Variants in ERBB4 observed in about 807,000 individuals in gnomAD.
ERBB4 encodes erb-b2 receptor tyrosine kinase 4.
ERBB4 carries 42 observed loss-of-function variants against 158.0 expected under a neutral mutation model. The observed-to-expected ratio is 0.27, with a 90% CI of 0.21 to 0.34. The LOEUF is 0.34. ERBB4 is among the 10% of genes least tolerant of loss of function. ERBB4 has a pLI of 1.00. For synonymous variants in ERBB4, 583 were observed against 558.7 expected (o/e 1.04, Z -0.61); for missense variants, 1,333 against 1,624.1 (o/e 0.82, Z 3.08).
intron 1 of ERBB4, among the ~76,000 whole-genome samples, chr2:212,306,747 T>C (rs1291082251): frequency 6.6e-6 from 1 of 151,298 alleles, no homozygotes; most frequent in African/African-American, 2.4e-5. Context: ...AATTTACTTC[T>C]TAAAGTTTGG....
intron 1 of ERBB4, among the ~76,000 whole-genome samples, chr2:212,488,355 A>G (rs1328124644): frequency 6.6e-6 from 1 of 151,136 alleles, no homozygotes; most frequent in Non-Finnish European, 1.5e-5. Flanking sequence ...TCTCTCTCAC[A>G]ATATGCTAAA....
intron 13 of ERBB4, among the ~76,000 whole-genome samples, chr2:211,678,583 A>G (rs943576849): frequency 6.6e-6 from 1 of 152,164 alleles, no homozygotes; most frequent in Non-Finnish European, 1.5e-5. Context: ...TTTTCCTTAA[A>G]AGAATTCGTC....
chr2:212,293,873 A>AAAT (rs1553612446), intron 1 of ERBB4, among the ~76,000 whole-genome samples: 28 of 146,158 alleles, frequency 1.9e-4, no homozygotes, highest in African/African-American at 6.9e-4. Flanking sequence ...AAAAAAAAAA[A>AAAT]CATACATTTG....
intron 1 of ERBB4, among the ~76,000 whole-genome samples, chr2:212,511,609 ATTTTTTTTCAAACG>A (rs1560519471): frequency 6.6e-6 from 1 of 151,754 alleles, no homozygotes; most frequent in Non-Finnish European, 1.5e-5. Flanking sequence ...ATAGATACTT[ATTTTTTTTCAAACG>A]TATTTATTTC....
chr2:211,738,367 T>G (rs760869952), intron 5 of ERBB4, among the ~76,000 whole-genome samples: 18,122 of 148,062 alleles, frequency 0.12, 2,975 homozygotes, highest in African/African-American at 0.37. Context: ...TTTTGTTTTT[T>G]TTTTTTTTTT....
chr2:212,245,566 C>A (rs1300960661), intron 1 of ERBB4, among the ~76,000 whole-genome samples: 1 of 152,078 alleles, frequency 6.6e-6, no homozygotes, highest in Admixed American at 6.6e-5. Context: ...TGGGATGAAA[C>A]TGTAGAGAAG....
intron 3 of ERBB4, among the ~76,000 whole-genome samples, chr2:211,793,331 A>T (rs1252441152): frequency 6.6e-6 from 1 of 151,942 alleles, no homozygotes; most frequent in Non-Finnish European, 1.5e-5. Flanking sequence ...CTGATTGTAT[A>T]TCTAAGTATT....
At chr2:211,688,411 T>C (rs1284984509) in intron 12 of ERBB4, among the ~76,000 whole-genome samples, 3 of 152,140 alleles carry the variant, frequency 2.0e-5, no homozygotes, top group African/African-American at 7.2e-5. Context: ...CATTATACTG[T>C]GGCTTAAAAT....
intron 1 of ERBB4, among the ~76,000 whole-genome samples, chr2:212,214,163 A>G (rs4335894): frequency 0.55 from 83,915 of 151,232 alleles, 23,466 homozygotes; most frequent in East Asian, 0.77. Flanking sequence ...TTTTACACAT[A>G]TGGGAATAAT....
At chr2:212,427,049 T>C (rs998313001) in intron 1 of ERBB4, among the ~76,000 whole-genome samples, 3 of 152,144 alleles carry the variant, frequency 2.0e-5, no homozygotes, top group Non-Finnish European at 4.4e-5. Context: ...TTTTACACCA[T>C]TTTAGTAGGA....
intron 20 of ERBB4, among the ~76,000 whole-genome samples, chr2:211,459,148 T>A (rs1299353389): frequency 6.6e-6 from 1 of 152,148 alleles, no homozygotes; most frequent in African/African-American, 2.4e-5. Flanking sequence ...AATTGACTGA[T>A]TATATAGCAT....
chr2:211,726,038 C>T (rs902272152), intron 5 of ERBB4, among the ~76,000 whole-genome samples: 4 of 152,132 alleles, frequency 2.6e-5, no homozygotes, highest in Non-Finnish European at 4.4e-5. Flanking sequence ...CACAATTCTG[C>T]TTATCTCACT....
chr2:212,434,349 A>G (rs1286850884), intron 1 of ERBB4, among the ~76,000 whole-genome samples: 1 of 151,990 alleles, frequency 6.6e-6, no homozygotes, highest in Non-Finnish European at 1.5e-5. Flanking sequence ...ATTTTTCCCT[A>G]AAGTATCTAG....
At chr2:211,572,656 C>G (rs1006721911) in intron 19 of ERBB4, among the ~76,000 whole-genome samples, 1 of 152,190 alleles carries the variant, frequency 6.6e-6, no homozygotes, top group Non-Finnish European at 1.5e-5. Flanking sequence ...TCAAGCCTAG[C>G]AGTGCTGTTA....
Position 212,296,161 on chromosome 2 carries a change from A to C in ERBB4, c.83-171258T>G, listed in dbSNP as rs1270982573. Among the ~76,000 whole-genome samples, 3 of 152,044 alleles carry C rather than the reference A, an allele frequency of 2.0e-5. No individual in the cohort carries two copies. The East Asian group carries it at 5.9e-4, about 30-fold the overall frequency. ...AGGTACTTTATAAATTTAATCTATA[A>C]TGATGTATTAGCAATCATAGGGAAC... On this transcript the variant is annotated intron_variant, in intron 1 of 27. Transcript: ENST00000342788.
intron 1 of ERBB4, among the ~76,000 whole-genome samples, chr2:212,231,441 C>G (rs2083662916): frequency 6.6e-6 from 1 of 152,146 alleles, no homozygotes; most frequent in South Asian, 2.1e-4. Context: ...TTACTTCAGA[C>G]TGAAACGGCA....
chr2:212,373,320 G>A (rs1346507613), intron 1 of ERBB4, among the ~76,000 whole-genome samples: 1 of 152,072 alleles, frequency 6.6e-6, no homozygotes, highest in Non-Finnish European at 1.5e-5. Context: ...CAACTGATTT[G>A]TGAGGAAAGC....
At chr2:212,342,908 T>A (rs1050727125) in intron 1 of ERBB4, among the ~76,000 whole-genome samples, 1 of 152,190 alleles carries the variant, frequency 6.6e-6, no homozygotes, top group Non-Finnish European at 1.5e-5. Context: ...AACTTTTACA[T>A]CTTCCATTTA....
At chr2:211,905,661 T>TATATAC (rs965914841) in intron 3 of ERBB4, among the ~76,000 whole-genome samples, 1 of 123,722 alleles carries the variant, frequency 8.1e-6, no homozygotes, top group South Asian at 2.4e-4. Context: ...TATATATATA[T>TATATAC]ATATATATAT....
Sources: allele counts gnomAD v4.1 joint callset (sites outside exome capture counted in the v4.1 genomes callset), GRCh38; gene constraint gnomAD v4.1.1; transcripts MANE v1.5; gene names NCBI Gene and HGNC (gene_info 2026-07-23, HGNC 2026-07-21).